Variants in SCD5 observed in about 807,000 individuals in gnomAD.
SCD5 encodes the protein stearoyl-CoA desaturase 5, also known as acyl-CoA-desaturase 4.
SCD5 carries 20 observed loss-of-function variants against 30.4 expected under a neutral mutation model. That is an observed-to-expected ratio of 0.66 (90% confidence interval 0.46 to 0.96). The LOEUF (loss-of-function observed/expected upper bound fraction) is 0.96. SCD5 is among the 40% of genes least tolerant of loss of function. The pLI, the probability that SCD5 is intolerant of heterozygous loss-of-function variation, is 0.00. For synonymous variants in SCD5, 173 were observed against 176.4 expected (o/e 0.98, Z 0.16); for missense variants, 381 against 443.3 (o/e 0.86, Z 1.26).
intron 1 of SCD5, among the ~76,000 whole-genome samples, chr4:82,763,122 G>A (rs576350674): frequency 6.6e-6 from 1 of 152,300 alleles, no homozygotes; most frequent in Admixed American, 6.5e-5. Context: ...TATCTGTTGT[G>A]GGCTGAACCG....
chr4:82,768,408 A>C (rs1560558122), intron 1 of SCD5, among the ~76,000 whole-genome samples: 1 of 152,218 alleles, frequency 6.6e-6, no homozygotes, highest in African/African-American at 2.4e-5. Context: ...AATAAGGAAC[A>C]ATATTCTAGT....
intron 2 of SCD5, among the ~76,000 whole-genome samples, chr4:82,701,270 G>A (rs1159974241): frequency 6.6e-6 from 1 of 151,804 alleles, no homozygotes; most frequent in Non-Finnish European, 1.5e-5. Context: ...AGAGAGGACA[G>A]AAAATAGACT....
chr4:82,734,598 T>C (rs1236199861), intron 1 of SCD5, among the ~76,000 whole-genome samples: 2 of 152,220 alleles, frequency 1.3e-5, no homozygotes, highest in Non-Finnish European at 2.9e-5. Context: ...AAAATTGTGC[T>C]TTTAACCAAT....
intron 2 of SCD5, among the ~76,000 whole-genome samples, chr4:82,681,762 CCT>C (rs1198087502): frequency 5.3e-5 from 8 of 152,026 alleles, no homozygotes; most frequent in African/African-American, 1.7e-4. Context: ...TGCACATGTA[CCT>C]CTGAACTTAA....
intron 3 of SCD5, among the ~76,000 whole-genome samples, chr4:82,643,084 A>G (rs1727576685): frequency 6.6e-6 from 1 of 152,224 alleles, no homozygotes. Context: ...CTGGAGGGGA[A>G]GGATGGCCAT....
intron 1 of SCD5, among the ~76,000 whole-genome samples, chr4:82,792,611 C>T (rs1429204222): frequency 1.3e-5 from 2 of 152,128 alleles, no homozygotes; most frequent in African/African-American, 2.4e-5. Context: ...GCCCTGGCTA[C>T]TTGGGAGGCT....
intron 1 of SCD5, among the ~76,000 whole-genome samples, chr4:82,710,894 C>CAGAGAG (rs34374340): frequency 7.3e-5 from 11 of 149,838 alleles, no homozygotes; most frequent in African/African-American, 2.5e-4. Flanking sequence ...GAAAACGAGA[C>CAGAGAG]AGAGAGAGAG....
chr4:82,766,862 G>C (rs955253876), intron 1 of SCD5, among the ~76,000 whole-genome samples: 1 of 152,106 alleles, frequency 6.6e-6, no homozygotes, highest in African/African-American at 2.4e-5. Flanking sequence ...ATTTTTAGTA[G>C]AGATGGCGTT....
intron 1 of SCD5, 71 bp downstream of exon 1, chr4:82,798,235 C>A (rs1722271813): frequency 8.0e-7 from 1 of 1,254,030 alleles, no homozygotes; most frequent in Non-Finnish European, 1.0e-6. Context: ...GAGGGGCGAG[C>A]GGCGACCTCG....
At chr4:82,689,647 C>T (rs1253667133) in intron 2 of SCD5, among the ~76,000 whole-genome samples, 1 of 152,030 alleles carries the variant, frequency 6.6e-6, no homozygotes, top group African/African-American at 2.4e-5. Context: ...GCAAGAATCC[C>T]CAATGTTTGC....
chr4:82,765,516 A>G (rs908456257), intron 1 of SCD5, among the ~76,000 whole-genome samples: 1 of 152,208 alleles, frequency 6.6e-6, no homozygotes, highest in African/African-American at 2.4e-5. Flanking sequence ...TATACTTTAA[A>G]TCATCCCTTG....
At chr4:82,786,439 C>T (rs1383432234) in intron 1 of SCD5, among the ~76,000 whole-genome samples, 1 of 152,122 alleles carries the variant, frequency 6.6e-6, no homozygotes, top group Non-Finnish European at 1.5e-5. Context: ...AACCTGATTT[C>T]TAAACTCTAT....
intron 1 of SCD5, among the ~76,000 whole-genome samples, chr4:82,715,001 C>T (rs1437304478): frequency 6.6e-6 from 1 of 151,584 alleles, no homozygotes; most frequent in Non-Finnish European, 1.5e-5. Context: ...CTTTGGGAGG[C>T]TGAGGCAGGC....
intron 3 of SCD5, among the ~76,000 whole-genome samples, chr4:82,676,075 C>T (rs1728430201): frequency 6.6e-6 from 1 of 152,112 alleles, no homozygotes; most frequent in Admixed American, 6.5e-5. Context: ...TAAAGGCGAC[C>T]GACTCAACTC....
intron 2 of SCD5, among the ~76,000 whole-genome samples, chr4:82,701,600 T>C (rs1719843371): frequency 6.6e-6 from 1 of 152,134 alleles, no homozygotes; most frequent in Non-Finnish European, 1.5e-5. Context: ...ATCAGGACAA[T>C]GGGGTTTCAG....
Position 82,691,006 on chromosome 4 carries a change from GTTTT to G in SCD5, c.364-10098_364-10095del, listed in dbSNP as rs968280026. 5.6e-5 allele frequency among the ~76,000 whole-genome samples: 3 copies of G among 53,984 alleles called. No individual in the cohort carries two copies. In the South Asian group the frequency reaches 2.4e-3, roughly 43 times the overall value. 35.4% of individuals were successfully genotyped at this position (53,984 alleles called of 152,430 possible). On this transcript the variant is annotated intron_variant, in intron 2 of 4. Transcript: ENST00000319540. The stretch of plus-strand genomic sequence containing the variant: ...GACCTTAATATAGGCAAGACCATTT[GTTTT>G]TTTGTTTGTTTGTTTTGTTTTGTTT...
chr4:82,661,565 C>A (rs1005883344), intron 3 of SCD5, among the ~76,000 whole-genome samples: 1 of 152,220 alleles, frequency 6.6e-6, no homozygotes, highest in African/African-American at 2.4e-5. Context: ...ATCAACCTCA[C>A]AAATCATCTT....
intron 3 of SCD5, among the ~76,000 whole-genome samples, chr4:82,667,279 C>T (rs1728209906): frequency 6.9e-6 from 1 of 144,448 alleles, no homozygotes; most frequent in Non-Finnish European, 1.5e-5. Context: ...TACACACACA[C>T]ACACACACGC....
At chr4:82,722,327 T>C (rs1259792914) in intron 1 of SCD5, among the ~76,000 whole-genome samples, 1 of 152,252 alleles carries the variant, frequency 6.6e-6, no homozygotes, top group East Asian at 1.9e-4. Context: ...GTTTGTAGCC[T>C]CCTATGTCAG....
Sources: gnomAD v4.1 joint callset for allele counts (sites outside exome capture counted in the v4.1 genomes callset) on GRCh38, gnomAD v4.1.1 for gene constraint, MANE v1.5 for transcripts, NCBI Gene and HGNC (gene_info 2026-07-23, HGNC 2026-07-21) for gene names.